The following ENTREP2 variants were observed in gnomAD, a reference collection of about 807,000 sequenced individuals.
ENTREP2 encodes endosomal transmembrane epsin interactor 2.
the ENTREP2 span, among the ~76,000 whole-genome samples, chr15:29,256,950 A>C: frequency 3.9e-5 from 6 of 152,222 alleles, no homozygotes; most frequent in East Asian, 1.2e-3. Flanking sequence ...AATATGGTGA[A>C]GATCACTCGA....
At chr15:29,290,514 T>C in the ENTREP2 span, among the ~76,000 whole-genome samples, 1 of 152,188 alleles carries the variant, frequency 6.6e-6, no homozygotes, top group African/African-American at 2.4e-5. Context: ...TATCTGCCCA[T>C]TCTGTATGAT....
At chr15:29,251,369 C>T in the ENTREP2 span, among the ~76,000 whole-genome samples, 1 of 152,208 alleles carries the variant, frequency 6.6e-6, no homozygotes, top group East Asian at 1.9e-4. Flanking sequence ...ATTACAGTAC[C>T]ATGAGCTAAG....
chr15:29,579,523 T>TC, the ENTREP2 span, among the ~76,000 whole-genome samples: 3 of 142,868 alleles, frequency 2.1e-5, no homozygotes, highest in African/African-American at 7.9e-5. Flanking sequence ...TTTCTTTCTT[T>TC]TTTTTTTTTT....
At chr15:29,440,517 G>A in the ENTREP2 span, among the ~76,000 whole-genome samples, 5 of 152,162 alleles carry the variant, frequency 3.3e-5, no homozygotes, top group Admixed American at 2.6e-4. Context: ...TGAAGAAAAT[G>A]GTTACTCCCA....
chr15:29,597,147 T>C, the ENTREP2 span, among the ~76,000 whole-genome samples: 2 of 152,158 alleles, frequency 1.3e-5, no homozygotes, highest in African/African-American at 4.8e-5. Flanking sequence ...TTCTAACCTC[T>C]TGGCAAACAC....
chr15:29,376,254 A>G, the ENTREP2 span: 1 of 152,208 alleles, frequency 6.6e-6, no homozygotes, highest in African/African-American at 2.4e-5. Context: ...TAAAACTTAT[A>G]CCGCCTGTGA....
At chr15:29,444,198 G>GAAAGAAAGAAAGA in the ENTREP2 span, among the ~76,000 whole-genome samples, 14 of 138,848 alleles carry the variant, frequency 1.0e-4, no homozygotes, top group African/African-American at 4.1e-4. Context: ...AAGAAAGAAA[G>GAAAGAAAGAAAGA]AAAGAAAGAA....
the ENTREP2 span, among the ~76,000 whole-genome samples, chr15:29,485,599 A>G: frequency 6.6e-6 from 1 of 152,228 alleles, no homozygotes; most frequent in Admixed American, 6.5e-5. Flanking sequence ...ATGAAAGGAA[A>G]GGCTGGGGAC....
chr15:29,392,659 T>A, the ENTREP2 span, among the ~76,000 whole-genome samples: 1 of 152,210 alleles, frequency 6.6e-6, no homozygotes, highest in South Asian at 2.1e-4. Context: ...TTCTTTTTAA[T>A]CTTCTTTGAG....
chr15:29,523,645 T>C, the ENTREP2 span, among the ~76,000 whole-genome samples: 1 of 127,396 alleles, frequency 7.8e-6, no homozygotes, highest in Non-Finnish European at 1.6e-5. Context: ...GGATCCAGAA[T>C]AGCCAAAACA....
the ENTREP2 span, among the ~76,000 whole-genome samples, chr15:29,239,540 G>A: frequency 1.3e-5 from 2 of 152,154 alleles, no homozygotes; most frequent in Non-Finnish European, 2.9e-5. Context: ...AGAAAGCCTG[G>A]AGCAAGTCGA....
chr15:29,136,348 TG>T, the ENTREP2 span: 1 of 1,480,628 alleles, frequency 6.8e-7, no homozygotes. Flanking sequence ...TGGCTTTGTC[TG>T]GGGCCCCAGG....
the ENTREP2 span, among the ~76,000 whole-genome samples, chr15:29,312,642 G>A: frequency 6.6e-6 from 1 of 152,062 alleles, no homozygotes; most frequent in Non-Finnish European, 1.5e-5. Flanking sequence ...ATTGTTTTGG[G>A]GCTCCATGAA....
the ENTREP2 span, among the ~76,000 whole-genome samples, chr15:29,566,133 T>C: frequency 6.6e-6 from 1 of 151,892 alleles, no homozygotes; most frequent in Admixed American, 6.6e-5. Context: ...TTTGTGTGTA[T>C]GTGTGTGTAT....
the ENTREP2 span, among the ~76,000 whole-genome samples, chr15:29,443,770 C>T: frequency 3.9e-5 from 6 of 152,048 alleles, no homozygotes; most frequent in Admixed American, 2.6e-4. Context: ...GTTACATCCT[C>T]GGAGGCTTTG....
At chr15:29,224,312 T>C in the ENTREP2 span, among the ~76,000 whole-genome samples, 49,903 of 150,480 alleles carry the variant, frequency 0.33, 9,972 homozygotes, top group East Asian at 0.6. Flanking sequence ...ATAAAGGCAG[T>C]TTGGACCCAA....
At chr15:29,519,891 C>A in the ENTREP2 span, among the ~76,000 whole-genome samples, 1 of 152,194 alleles carries the variant, frequency 6.6e-6, no homozygotes, top group East Asian at 1.9e-4. Flanking sequence ...CTGCCCCACC[C>A]CAACTAATCA....
At chr15:29,385,518 A>C in the ENTREP2 span, among the ~76,000 whole-genome samples, 1 of 152,318 alleles carries the variant, frequency 6.6e-6, no homozygotes, top group Middle Eastern at 3.4e-3. Context: ...CAGAATTCTA[A>C]AATGACCCCT....
At chr15:29,588,755 T>G in the ENTREP2 span, among the ~76,000 whole-genome samples, 1 of 151,814 alleles carries the variant, frequency 6.6e-6, no homozygotes. Context: ...CCTAGCACTT[T>G]GGGAGGCTGA....
Sources: gnomAD v4.1 joint callset for allele counts (sites outside exome capture counted in the v4.1 genomes callset) on GRCh38, gnomAD v4.1.1 for gene constraint, MANE v1.5 for transcripts, NCBI Gene and HGNC (gene_info 2026-07-23, HGNC 2026-07-21) for gene names.